CNTNAP2: variants seen among roughly 807,000 people sequenced by gnomAD.
The protein encoded by CNTNAP2 is contactin-associated protein-like 2.
CNTNAP2 carries 98 observed loss-of-function variants against 155.2 expected under a neutral mutation model. The observed-to-expected ratio is 0.63, with a 90% CI of 0.54 to 0.75. CNTNAP2 has a LOEUF of 0.75. Among genes scored for constraint, CNTNAP2 ranks in the 30% least tolerant of loss-of-function variants. The probability of loss-of-function intolerance (pLI) is 0.00; values close to 1 mark genes in which losing one functional copy is unlikely to be tolerated. For missense variants in CNTNAP2, 1,727 were observed against 1,688.1 expected, an observed-to-expected ratio of 1.02 and a Z score of -0.40; for synonymous variants, 651 against 631.2, an observed-to-expected ratio of 1.03 and a Z score of -0.47.
chr7:147,130,197 T>A (rs2129284724), intron 7 of CNTNAP2, among the ~76,000 whole-genome samples: 1 of 152,144 alleles, frequency 6.6e-6, no homozygotes, highest in South Asian at 2.1e-4. Context: ...GAGGATCACT[T>A]GAGTCCAGGA....
At chr7:147,232,951 G>C (rs1050180931) in intron 8 of CNTNAP2, among the ~76,000 whole-genome samples, 2 of 152,110 alleles carry the variant, frequency 1.3e-5, no homozygotes, top group African/African-American at 4.8e-5. Context: ...CATAATTAAA[G>C]AAAATTAGTT....
At chr7:146,480,775 C>T (rs1031797397) in intron 1 of CNTNAP2, among the ~76,000 whole-genome samples, 74 of 149,964 alleles carry the variant, frequency 4.9e-4, no homozygotes, top group African/African-American at 1.7e-3. Flanking sequence ...CTCCGCCTCC[C>T]GGGTTCACGC....
chr7:147,848,793 T>C (rs1289991231), intron 13 of CNTNAP2, among the ~76,000 whole-genome samples: 2 of 152,034 alleles, frequency 1.3e-5, no homozygotes, highest in South Asian at 2.1e-4. Context: ...TTAAATACCA[T>C]AGAACAAAAA....
chr7:146,976,564 A>G (rs539127669), intron 3 of CNTNAP2, among the ~76,000 whole-genome samples: 6 of 152,306 alleles, frequency 3.9e-5, no homozygotes, highest in Non-Finnish European at 7.4e-5. Flanking sequence ...GACAAAGGAT[A>G]CAGATGAAGA....
intron 17 of CNTNAP2, among the ~76,000 whole-genome samples, chr7:148,156,970 A>G (rs1805410732): frequency 6.6e-6 from 1 of 152,198 alleles, no homozygotes; most frequent in African/African-American, 2.4e-5. Flanking sequence ...GAAGATAGGC[A>G]GATTCATGCT....
chr7:148,116,298 C>G (rs1028732189), intron 15 of CNTNAP2, among the ~76,000 whole-genome samples: 4 of 152,154 alleles, frequency 2.6e-5, no homozygotes, highest in African/African-American at 9.7e-5. Flanking sequence ...TTGGCTGAGA[C>G]AGCTTCAGAG....
chr7:147,382,764 C>T lies in CNTNAP2; in HGVS notation c.1499-12845C>T, dbSNP rs150287630. On this transcript the variant is annotated intron_variant, in intron 9 of 23. Transcript: ENST00000361727. ...CTTTAGGAACTCTCTCACTTACAGA[C>T]GAGGTAAGAGACAAGAAGTCAGTAC... Among the ~76,000 whole-genome samples, 35 of 152,094 alleles carry T rather than the reference C, an allele frequency of 2.3e-4. 1 individual carries two copies. The East Asian group carries it at 6.2e-3, about 27-fold the overall frequency.
At chr7:147,856,245 A>G (rs1253026495) in intron 13 of CNTNAP2, among the ~76,000 whole-genome samples, 2 of 152,172 alleles carry the variant, frequency 1.3e-5, no homozygotes, top group South Asian at 2.1e-4. Flanking sequence ...AGTCTCGAGC[A>G]TAAAATAAGG....
chr7:148,089,177 A>C (rs1803792200), intron 15 of CNTNAP2, among the ~76,000 whole-genome samples: 1 of 151,946 alleles, frequency 6.6e-6, no homozygotes, highest in Non-Finnish European at 1.5e-5. Context: ...GAGCACATAC[A>C]ACAAGCCCAT....
At chr7:147,794,345 G>C (rs1025779948) in intron 13 of CNTNAP2, among the ~76,000 whole-genome samples, 1 of 151,850 alleles carries the variant, frequency 6.6e-6, no homozygotes, top group Non-Finnish European at 1.5e-5. Flanking sequence ...CTAACTTGTT[G>C]AGTGTTTCTA....
At chr7:146,807,444 T>C (rs1267435945) in intron 2 of CNTNAP2, among the ~76,000 whole-genome samples, 1 of 152,174 alleles carries the variant, frequency 6.6e-6, no homozygotes, top group East Asian at 1.9e-4. Flanking sequence ...TATGAAAGTC[T>C]TTGCCCACTT....
chr7:147,768,164 G>A (rs75375171), intron 13 of CNTNAP2, among the ~76,000 whole-genome samples: 3,174 of 152,188 alleles, frequency 0.021, 95 homozygotes, highest in African/African-American at 0.073. Context: ...ATCTGAAAAG[G>A]TTGAAGATCA....
chr7:147,835,403 T>C (rs1798618166), intron 13 of CNTNAP2, among the ~76,000 whole-genome samples: 2 of 152,096 alleles, frequency 1.3e-5, no homozygotes, highest in Non-Finnish European at 2.9e-5. Flanking sequence ...GAGTTAAGTG[T>C]CACACAGCAG....
At chr7:146,818,711 C>T (rs544451176) in intron 2 of CNTNAP2, among the ~76,000 whole-genome samples, 2 of 151,900 alleles carry the variant, frequency 1.3e-5, no homozygotes, top group African/African-American at 2.4e-5. Flanking sequence ...GACATGTGAC[C>T]ACTAAATGAA....
chr7:147,922,742 T>TTA (rs1433378453), intron 14 of CNTNAP2, among the ~76,000 whole-genome samples: 2 of 152,176 alleles, frequency 1.3e-5, no homozygotes, highest in Non-Finnish European at 2.9e-5. Flanking sequence ...TCATCTCTAT[T>TTA]AATTATCTCA....
At chr7:147,529,011 G>A (rs1438265740) in intron 11 of CNTNAP2, among the ~76,000 whole-genome samples, 5 of 152,060 alleles carry the variant, frequency 3.3e-5, no homozygotes, top group African/African-American at 7.2e-5. Flanking sequence ...GGAATAATGT[G>A]TAAAAAAGTT....
intron 13 of CNTNAP2, among the ~76,000 whole-genome samples, chr7:147,808,253 C>T (rs1331297041): frequency 6.6e-6 from 1 of 152,168 alleles, no homozygotes; most frequent in Non-Finnish European, 1.5e-5. Flanking sequence ...GCAGGAACTG[C>T]TGGGACCCAT....
intron 14 of CNTNAP2, among the ~76,000 whole-genome samples, chr7:147,966,318 A>C (rs1801208917): frequency 6.6e-6 from 1 of 152,200 alleles, no homozygotes; most frequent in Non-Finnish European, 1.5e-5. Context: ...CAAATGCATC[A>C]GAACTAATGC....
intron 1 of CNTNAP2, among the ~76,000 whole-genome samples, chr7:146,218,059 C>G (rs1051980528): frequency 6.6e-6 from 1 of 152,136 alleles, no homozygotes; most frequent in African/African-American, 2.4e-5. Context: ...GGCACACCTT[C>G]CCAGGTGTGC....
Sources: gnomAD v4.1 joint callset for allele counts (sites outside exome capture counted in the v4.1 genomes callset) on GRCh38, gnomAD v4.1.1 for gene constraint, MANE v1.5 for transcripts, NCBI Gene and HGNC (gene_info 2026-07-23, HGNC 2026-07-21) for gene names.